DEPTOR: variants seen among roughly 807,000 people sequenced by gnomAD.
DEPTOR encodes the protein DEP domain-containing mTOR-interacting protein.
Under a neutral mutation model 41.6 loss-of-function variants are expected in DEPTOR, and 41 were observed. The observed-to-expected ratio is 0.98, with a 90% CI of 0.77 to 1.28. DEPTOR has a LOEUF of 1.28. Ranked by LOEUF, DEPTOR falls within the 50% of genes most tolerant of loss-of-function variation. The pLI, the probability that DEPTOR is intolerant of heterozygous loss-of-function variation, is 0.00. For synonymous variants in DEPTOR, 195 were observed against 192.3 expected (o/e 1.01, Z -0.12); for missense variants, 514 against 527.9 (o/e 0.97, Z 0.26).
At chr8:119,997,822 G>A (rs946550435) in intron 4 of DEPTOR, among the ~76,000 whole-genome samples, 7 of 152,188 alleles carry the variant, frequency 4.6e-5, no homozygotes, top group Non-Finnish European at 8.8e-5. Context: ...AGGATGTGAT[G>A]CTGTTTGTGA....
At chr8:120,024,555 A>G (rs1812770975) in intron 8 of DEPTOR, among the ~76,000 whole-genome samples, 1 of 152,166 alleles carries the variant, frequency 6.6e-6, no homozygotes. Context: ...AGAAGGGGAA[A>G]TTGGCCACAG....
chr8:120,025,939 T>A (rs2130153134), intron 8 of DEPTOR, among the ~76,000 whole-genome samples: 1 of 152,044 alleles, frequency 6.6e-6, no homozygotes, highest in East Asian at 1.9e-4. Flanking sequence ...CCATTATAGC[T>A]TTTTAGCTCC....
At chr8:120,003,775 A>G (rs1812391873) in intron 6 of DEPTOR, among the ~76,000 whole-genome samples, 1 of 152,208 alleles carries the variant, frequency 6.6e-6, no homozygotes, top group Non-Finnish European at 1.5e-5. Flanking sequence ...AAATCTAGGC[A>G]CAAAATTGTT....
At chr8:120,020,630 T>A (rs535990250) in intron 8 of DEPTOR, among the ~76,000 whole-genome samples, 1 of 152,312 alleles carries the variant, frequency 6.6e-6, no homozygotes, top group African/African-American at 2.4e-5. Context: ...TTCTAGTTTG[T>A]GACTGGCAGG....
At chr8:119,910,222 C>T (rs966647577) in intron 1 of DEPTOR, among the ~76,000 whole-genome samples, 3 of 152,092 alleles carry the variant, frequency 2.0e-5, no homozygotes, top group African/African-American at 7.2e-5. Flanking sequence ...AGTCAGAGCA[C>T]CTATGTTAAG....
intron 8 of DEPTOR, among the ~76,000 whole-genome samples, chr8:120,039,274 A>G (rs1813023231): frequency 6.6e-6 from 1 of 152,204 alleles, no homozygotes; most frequent in African/African-American, 2.4e-5. Context: ...TTGATCTTGG[A>G]CTTAACCAAG....
intron 1 of DEPTOR, among the ~76,000 whole-genome samples, chr8:119,926,981 C>T (rs1432825300): frequency 3.3e-5 from 5 of 152,166 alleles, no homozygotes; most frequent in African/African-American, 1.2e-4. Context: ...TTTCTTTCTT[C>T]GTAGATGTTC....
rs1035714264 is a variant in DEPTOR, at chr8:119,961,338, C to T, written c.426-3894C>T. Reference sequence around the variant, plus strand: ...GGCTGAGGCAGGAGAATCGCTTGAACCTGGGAGGTAGAGGTTGCGGTGAGC... The same window carrying T: ...GGCTGAGGCAGGAGAATCGCTTGAATCTGGGAGGTAGAGGTTGCGGTGAGC... On this transcript the variant is annotated intron_variant, in intron 3 of 8. Transcript: ENST00000286234. 2.6e-5 allele frequency among the ~76,000 whole-genome samples: 4 copies of T among 151,380 alleles called. No homozygotes were observed. In the East Asian group the frequency reaches 7.8e-4, roughly 30 times the overall value.
At chr8:119,969,418 G>A (rs1828605858) in intron 4 of DEPTOR, among the ~76,000 whole-genome samples, 1 of 150,130 alleles carries the variant, frequency 6.7e-6, no homozygotes, top group South Asian at 2.1e-4. Flanking sequence ...GCAATGGTGC[G>A]ATCTTGGCTC....
chr8:119,948,177 CTG>C (rs1196972440), intron 3 of DEPTOR, among the ~76,000 whole-genome samples: 1 of 152,196 alleles, frequency 6.6e-6, no homozygotes. Context: ...GCTTCCCCAT[CTG>C]ATAGTAGGCA....
At chr8:119,995,639 A>G (rs145772213) in intron 4 of DEPTOR, among the ~76,000 whole-genome samples, 2,438 of 152,170 alleles carry the variant, frequency 0.016, 63 homozygotes, top group African/African-American at 0.055. Flanking sequence ...AAAGTTACTC[A>G]GCATAAAAAT....
At chr8:119,964,802 G>A (rs1308614107) in intron 3 of DEPTOR, among the ~76,000 whole-genome samples, 1 of 152,032 alleles carries the variant, frequency 6.6e-6, no homozygotes, top group African/African-American at 2.4e-5. Flanking sequence ...TTACATGTGT[G>A]GTAGGCTGGG....
intron 1 of DEPTOR, among the ~76,000 whole-genome samples, chr8:119,900,867 A>G (rs74693645): frequency 0.098 from 14,982 of 152,226 alleles, 857 homozygotes; most frequent in South Asian, 0.22. Context: ...CATTTGTTAT[A>G]TAAATGGCTG....
intron 3 of DEPTOR, among the ~76,000 whole-genome samples, chr8:119,945,487 A>T (rs1013298653): frequency 1.3e-5 from 2 of 152,218 alleles, no homozygotes; most frequent in African/African-American, 2.4e-5. Flanking sequence ...CAAATAAGGA[A>T]GGTTAATTTG....
At chr8:119,987,753 T>C (rs115606634) in intron 4 of DEPTOR, among the ~76,000 whole-genome samples, 2,982 of 152,236 alleles carry the variant, frequency 0.02, 110 homozygotes, top group African/African-American at 0.068. Context: ...CTGGCTACAA[T>C]GGGTTTGCAT....
At chr8:119,984,078 C>T (rs1448744025) in intron 4 of DEPTOR, among the ~76,000 whole-genome samples, 2 of 152,042 alleles carry the variant, frequency 1.3e-5, no homozygotes, top group Non-Finnish European at 2.9e-5. Flanking sequence ...TTCAGTACCC[C>T]ACTGTCTGTT....
At chr8:120,025,435 T>C (rs548002930) in intron 8 of DEPTOR, among the ~76,000 whole-genome samples, 75 of 152,136 alleles carry the variant, frequency 4.9e-4, no homozygotes, top group Non-Finnish European at 8.1e-4. Flanking sequence ...GGAGAGCCTG[T>C]GAGAGAGAGA....
At chr8:119,962,954 T>C (rs1828511801) in intron 3 of DEPTOR, among the ~76,000 whole-genome samples, 1 of 152,104 alleles carries the variant, frequency 6.6e-6, no homozygotes, top group African/African-American at 2.4e-5. Flanking sequence ...AATGTAAGCA[T>C]TGACTGGCAC....
At chr8:119,972,513 C>T (rs1828645629) in intron 4 of DEPTOR, among the ~76,000 whole-genome samples, 1 of 151,516 alleles carries the variant, frequency 6.6e-6, no homozygotes, top group Admixed American at 6.6e-5. Flanking sequence ...GTCCCAGCTA[C>T]TTGGGAGGCT....
Sources: allele counts gnomAD v4.1 joint callset (sites outside exome capture counted in the v4.1 genomes callset), GRCh38; gene constraint gnomAD v4.1.1; transcripts MANE v1.5; gene names NCBI Gene and HGNC (gene_info 2026-07-23, HGNC 2026-07-21).